Variants in PIK3C3 observed in about 807,000 individuals in gnomAD.
PIK3C3 encodes phosphatidylinositol 3-kinase catalytic subunit type 3.
In PIK3C3, 95 loss-of-function variants were observed where a neutral mutation model predicts 126.1. The observed-to-expected ratio is 0.75, with a 90% confidence interval of 0.64 to 0.89. PIK3C3 has a LOEUF of 0.89. Ranked by LOEUF, PIK3C3 falls within the 40% of genes least tolerant of loss-of-function variation. PIK3C3 has a pLI of 0.00. For missense variants in PIK3C3, 829 were observed against 1,063.2 expected (o/e 0.78, Z 3.06); for synonymous variants, 374 against 360.0 (o/e 1.04, Z -0.44).
chr18:41,978,116 G>A lies in PIK3C3; in HGVS notation c.531+7660G>A, dbSNP rs142337284. ...AGGAACTACAGTTGTGCACCACCAT[G>A]TTTGAATAGTTTCTTTTATATAGAG... is the stretch of plus-strand genomic sequence containing the variant. On this transcript the variant is annotated intron_variant, in intron 4 of 24. Coordinates refer to ENST00000262039, the MANE Select transcript of PIK3C3 (RefSeq NM_002647.4). Among the ~76,000 whole-genome samples the A allele has an allele frequency of 5.3e-4, 81 of 152,180 alleles. 1 individual carries two copies. Among genetic ancestry groups the A allele is most frequent in the African/African-American group, 1.9e-3 (77 of 41,536 alleles).
Position 42,004,379 on chromosome 18 carries a change from T to C in PIK3C3, c.1008T>C (p.Cys336=). ...QEKALTKFLK[C]VNWDLPQEAK... ...AGGCCTTGACAAAATTCTTGAAATG[T>C]GTTAATTGGGATCTACCTCAAGAGG... Residue 336 remains cysteine (C), a synonymous_variant, in exon 10 of 25, where the codon TGT becomes TGC. Coordinates refer to ENST00000262039, the MANE Select transcript of PIK3C3 (RefSeq NM_002647.4). The C allele has an allele frequency of 6.2e-7, 1 of 1,609,482 alleles. No homozygotes were observed. The highest frequency in any genetic ancestry group is 8.5e-7 in the Non-Finnish European group (1 of 1,178,848).
intron 7 of PIK3C3, among the ~76,000 whole-genome samples, chr18:41,994,528 CAT>C (rs1367518677): frequency 1.3e-5 from 2 of 151,870 alleles, no homozygotes; most frequent in Non-Finnish European, 2.9e-5. Context: ...TAGTGACACA[CAT>C]GTGTAAACCA....
intron 7 of PIK3C3, among the ~76,000 whole-genome samples, chr18:41,995,556 A>C (rs2144363286): frequency 6.6e-6 from 1 of 152,284 alleles, no homozygotes; most frequent in Non-Finnish European, 1.5e-5. Flanking sequence ...GGAATGCTTT[A>C]GTCTATGTTG....
chr18:41,976,482 A>G (rs1022869554), intron 4 of PIK3C3, among the ~76,000 whole-genome samples: 1 of 152,220 alleles, frequency 6.6e-6, no homozygotes, highest in Non-Finnish European at 1.5e-5. Flanking sequence ...TTTAATATCA[A>G]CAAAACCTCT....
chr18:41,973,641 CTT>C (rs979093111), intron 4 of PIK3C3, among the ~76,000 whole-genome samples: 24 of 152,122 alleles, frequency 1.6e-4, no homozygotes, highest in East Asian at 9.7e-4. Context: ...GTCTTTCACT[CTT>C]TTTCTGATGA....
At chr18:42,057,827 C>T (rs1460834473) in intron 21 of PIK3C3, 56 bp from the exon 22 acceptor site, 2 of 1,480,208 alleles carry the variant, frequency 1.4e-6, no homozygotes, top group Admixed American at 1.7e-5. Flanking sequence ...GACATATCAC[C>T]TACCCAGTTC....
Position 41,995,945 on chromosome 18 carries a change from C to G in PIK3C3, c.842C>G (p.Pro281Arg). 1 of 1,612,988 alleles carries G rather than the reference C, an allele frequency of 6.2e-7. No individual in the cohort carries two copies. Among genetic ancestry groups the G allele is most frequent in the African/African-American group, 1.3e-5 (1 of 74,968 alleles). Reference sequence around the variant, plus strand: ...CTTGCCCGGAGTTTAAGAAGTGGACCTTCTGACCACGATCTGAAACCCAAT... The same window carrying G: ...CTTGCCCGGAGTTTAAGAAGTGGACGTTCTGACCACGATCTGAAACCCAAT... The part of the protein sequence containing the change: ...HKLARSLRSG[P>R]SDHDLKPNAA... Residue 281 changes from proline to arginine, a missense_variant, in exon 8 of 25, where the codon CCT becomes CGT. Coordinates refer to ENST00000262039, the MANE Select transcript of PIK3C3 (RefSeq NM_002647.4).
intron 24 of PIK3C3, among the ~76,000 whole-genome samples, chr18:42,071,838 A>T (rs1985787610): frequency 6.6e-6 from 1 of 152,188 alleles, no homozygotes; most frequent in African/African-American, 2.4e-5. Context: ...GGATGAACTT[A>T]AAAATGTTTG....
chr18:41,974,674 T>C (rs1980827792), intron 4 of PIK3C3, among the ~76,000 whole-genome samples: 1 of 151,922 alleles, frequency 6.6e-6, no homozygotes. Flanking sequence ...TTCTAGAGCA[T>C]TTATTAAACT....
chr18:42,061,393 G>A lies in PIK3C3; in HGVS notation c.2432+3342G>A, dbSNP rs530932918. ...AGGTCAGGAGTTCGAGACCAGCCTG[G>A]CCAACATGGTGAAACCCTGTCTCTA... On this transcript the variant is annotated intron_variant, in intron 22 of 24. Transcript: ENST00000262039. Among the ~76,000 whole-genome samples, 9 of 152,186 alleles carry A rather than the reference G, an allele frequency of 5.9e-5. No individual in the cohort carries two copies. In the South Asian group the frequency reaches 8.3e-4, roughly 14 times the overall value.
rs1986368262 is a variant in PIK3C3 at position 42,084,941 on chromosome 18, G to C, written c.*3804G>C. 1 of 152,292 alleles carries C rather than the reference G, an allele frequency of 6.6e-6. No homozygotes were observed. Among genetic ancestry groups the C allele is most frequent in the Admixed American group, 6.5e-5 (1 of 15,290 alleles). The allele number at this position is 152,292 out of a possible 1,614,324, so 9.4% of individuals were successfully genotyped here. ...AGAGATTCCACAGGCCAGTGTCAGG[G>C]AACAGGGGCCAGGGCTGGGAAGGCA... On this transcript the variant is annotated 3_prime_UTR_variant, in exon 25 of 25. Coordinates refer to ENST00000262039, the MANE Select transcript of PIK3C3 (RefSeq NM_002647.4).
At chr18:42,060,729 A>G (rs892595035) in intron 22 of PIK3C3, among the ~76,000 whole-genome samples, 1 of 152,218 alleles carries the variant, frequency 6.6e-6, no homozygotes, top group African/African-American at 2.4e-5. Flanking sequence ...GTGAGCCAAA[A>G]TCACACCACT....
rs1203114688 is a variant in PIK3C3, at chr18:42,081,748, A to AT, written c.*617dup. 2.6e-5 allele frequency: 4 copies of AT among 152,312 alleles called. No homozygotes were observed. Among genetic ancestry groups the AT allele is most frequent in the Non-Finnish European group, 4.4e-5 (3 of 68,002 alleles). The allele number at this position is 152,312 out of a possible 1,614,324, so 9.4% of individuals were successfully genotyped here. A position where few individuals can be genotyped will look rare whatever the true frequency, so the allele number is the denominator to read the frequency against. ...ACTCATTTTCTCTTACAAATAATTA[A>AT]TTTTTTGTAAACTACAGTTAATAGT... is the stretch of plus-strand genomic sequence containing the variant. On this transcript the variant is annotated 3_prime_UTR_variant, in exon 25 of 25. Coordinates refer to ENST00000262039, the MANE Select transcript of PIK3C3 (RefSeq NM_002647.4).
chr18:42,067,285 AATAGCTC>A, intron 23 of PIK3C3, 96 bp from the exon 24 acceptor site: 1 of 994,952 alleles, frequency 1.0e-6, no homozygotes, highest in East Asian at 2.4e-5. Flanking sequence ...TTGCCATAGG[AATAGCTC>A]ATGTTACCTT....
Position 41,988,327 on chromosome 18 carries a change from C to T in PIK3C3, c.618+429C>T, listed in dbSNP as rs145743950. 1.0e-3 allele frequency among the ~76,000 whole-genome samples: 158 copies of T among 152,182 alleles called. 1 individual carries two copies. Among genetic ancestry groups the T allele is most frequent in the African/African-American group, 3.3e-3 (139 of 41,518 alleles). On this transcript the variant is annotated intron_variant, in intron 5 of 24. Transcript: ENST00000262039. ...TGTCTATGTACTACATATAGGACTC[C>T]GCACCCTCTATAAAGTTACATGATT... is the stretch of plus-strand genomic sequence containing the variant.
At chr18:41,995,285 A>T (rs1233552236) in intron 7 of PIK3C3, among the ~76,000 whole-genome samples, 1 of 152,186 alleles carries the variant, frequency 6.6e-6, no homozygotes, top group Non-Finnish European at 1.5e-5. Flanking sequence ...ACAAAGGACC[A>T]TAAAGCCATT....
chr18:41,970,217 G>A (rs2144311487), intron 3 of PIK3C3, 110 bp from the exon 4 acceptor site: 1 of 868,188 alleles, frequency 1.2e-6, no homozygotes, highest in Non-Finnish European at 1.8e-6. Context: ...GCTTGGCAGT[G>A]GAGATATACA....
intron 15 of PIK3C3, among the ~76,000 whole-genome samples, chr18:42,030,702 T>C (rs1373491383): frequency 6.6e-6 from 1 of 152,296 alleles, no homozygotes; most frequent in East Asian, 1.9e-4. Flanking sequence ...AATAAATATA[T>C]TTCTACTACT....
intron 7 of PIK3C3, 53 bp downstream of exon 7, chr18:41,993,394 G>T: frequency 8.8e-7 from 1 of 1,137,426 alleles, no homozygotes. Flanking sequence ...GAGTAATTGT[G>T]AGTTAGCCAC....
Sources: gnomAD v4.1 joint callset for allele counts (sites outside exome capture counted in the v4.1 genomes callset) on GRCh38, gnomAD v4.1.1 for gene constraint, MANE v1.5 for transcripts, NCBI Gene and HGNC (gene_info 2026-07-23, HGNC 2026-07-21) for gene names.